Variants in TSNAX observed in about 807,000 individuals in gnomAD.
TSNAX encodes the protein translin-associated protein X.
TSNAX carries 12 observed loss-of-function variants against 33.0 expected under a neutral mutation model. That is an observed-to-expected ratio of 0.36 (90% CI 0.23 to 0.59). TSNAX has a LOEUF of 0.59. Ranked by LOEUF, TSNAX falls within the 20% of genes least tolerant of loss-of-function variation. The probability of loss-of-function intolerance (pLI) is 0.74; values close to 1 mark genes in which losing one functional copy is unlikely to be tolerated. For synonymous variants in TSNAX, 110 were observed against 117.2 expected (o/e 0.94, Z 0.40); for missense variants, 267 against 341.3 (o/e 0.78, Z 1.72).
At chr1:231,545,490 C>G (rs544718794) in intron 4 of TSNAX, among the ~76,000 whole-genome samples, 1 of 151,664 alleles carries the variant, frequency 6.6e-6, no homozygotes, top group East Asian at 1.9e-4. Context: ...GATGGTTAAA[C>G]AAATGAACAA....
At chr1:231,561,379 TAG>T in intron 5 of TSNAX, 124 bp downstream of exon 5, 1 of 815,482 alleles carries the variant, frequency 1.2e-6, no homozygotes, top group Non-Finnish European at 1.9e-6. Context: ...TATGGTTTTG[TAG>T]AGTCTCAACT....
At chr1:231,538,823 T>A (rs932853292) in intron 3 of TSNAX, among the ~76,000 whole-genome samples, 4 of 151,500 alleles carry the variant, frequency 2.6e-5, no homozygotes, top group African/African-American at 9.7e-5. Flanking sequence ...TCCCAGCTGC[T>A]CAGGAGACTG....
At chr1:231,557,738 C>T (rs1660784244) in intron 4 of TSNAX, among the ~76,000 whole-genome samples, 5 of 152,142 alleles carry the variant, frequency 3.3e-5, no homozygotes, top group Non-Finnish European at 7.3e-5. Flanking sequence ...GGTACTGAAT[C>T]TTGATCCTGA....
chr1:231,534,693 A>G (rs1240954721), intron 2 of TSNAX: 1 of 152,180 alleles, frequency 6.6e-6, no homozygotes, highest in Non-Finnish European at 1.5e-5. Flanking sequence ...CTTAGTTCCC[A>G]GGAGATTGCA....
At chr1:231,534,974 G>T (rs1659062631) in intron 2 of TSNAX, 1 of 152,160 alleles carries the variant, frequency 6.6e-6, no homozygotes, top group Non-Finnish European at 1.5e-5. Context: ...AGCAGTCCTT[G>T]AGCAGAATGA....
At position 231,528,769 on chromosome 1, in the gene TSNAX, G is replaced by C. The variant is rs1186982604; in HGVS notation, c.-42G>C. On this transcript the variant is annotated 5_prime_UTR_variant, in exon 1 of 6. Coordinates refer to ENST00000366639, the MANE Select transcript of TSNAX (RefSeq NM_005999.3). ...TACCTCGCGCACTCCTCTTGCTCCA[G>C]GTCCTTCAGTCTCCGCTCGTCTCAC... The C allele has an allele frequency of 6.2e-7, 1 of 1,613,862 alleles. No homozygotes were observed. Among genetic ancestry groups the C allele is most frequent in the African/African-American group, 1.3e-5 (1 of 74,924 alleles).
At chr1:231,538,447 C>G (rs1310128203) in intron 3 of TSNAX, among the ~76,000 whole-genome samples, 1 of 152,186 alleles carries the variant, frequency 6.6e-6, no homozygotes, top group Non-Finnish European at 1.5e-5. Flanking sequence ...AGCTGAGGAT[C>G]TCCATCTTCC....
intron 4 of TSNAX, among the ~76,000 whole-genome samples, chr1:231,559,530 A>G (rs541823026): frequency 1.3e-5 from 2 of 152,088 alleles, no homozygotes; most frequent in Non-Finnish European, 2.9e-5. Context: ...GGGTTTCACC[A>G]TGTTAGCCAG....
intron 4 of TSNAX, chr1:231,554,686 T>C (rs1337508796): frequency 6.6e-6 from 1 of 151,978 alleles, no homozygotes; most frequent in East Asian, 1.9e-4. Flanking sequence ...AAGTATATAG[T>C]GTGTTTGGAA....
At chr1:231,535,534 C>T (rs202164721) in intron 2 of TSNAX, 18 of 152,020 alleles carry the variant, frequency 1.2e-4, no homozygotes, top group Admixed American at 3.3e-4. Flanking sequence ...TTAGGCTTTC[C>T]GTAAAAAGTT....
At chr1:231,537,064 C>G in intron 2 of TSNAX, 149 bp from the exon 3 acceptor site, 1 of 522,230 alleles carries the variant, frequency 1.9e-6, no homozygotes, top group African/African-American at 2.0e-5. Context: ...ATCTCTTGAC[C>G]TCATGATCCA....
chr1:231,529,824 C>T (rs1304864627), intron 2 of TSNAX, among the ~76,000 whole-genome samples: 2 of 152,194 alleles, frequency 1.3e-5, no homozygotes, highest in Non-Finnish European at 2.9e-5. Flanking sequence ...GTCCCCTTTT[C>T]TCAGCATATT....
intron 4 of TSNAX, among the ~76,000 whole-genome samples, chr1:231,556,393 T>C (rs1660696471): frequency 6.6e-6 from 1 of 152,212 alleles, no homozygotes. Context: ...AACTAAACTA[T>C]ATGGCAGCCA....
At chr1:231,545,327 A>G (rs1489352988) in intron 4 of TSNAX, among the ~76,000 whole-genome samples, 1 of 152,188 alleles carries the variant, frequency 6.6e-6, no homozygotes, top group Non-Finnish European at 1.5e-5. Flanking sequence ...GCTTTTCCTC[A>G]TTAAGAATAG....
At position 231,537,268 on chromosome 1, in the gene TSNAX, T is replaced by C. The variant is rs565640164; in HGVS notation, c.177T>C (p.Leu59=). The C allele has an allele frequency of 6.2e-7, 1 of 1,613,844 alleles. No homozygotes were observed. The highest frequency in any genetic ancestry group is 1.1e-5 in the South Asian group (1 of 91,028). Residue 59 remains leucine, a synonymous_variant, in exon 3 of 6, where the codon CTT becomes CTC. Transcript: ENST00000366639. ...RHDKYERLVK[L]SRDITVESKR... ...ACAAATATGAGAGACTTGTGAAACT[T>C]AGTCGGGATATAACTGTTGAAAGTA...
intron 4 of TSNAX, chr1:231,554,551 T>C (rs542826037): frequency 6.6e-6 from 1 of 152,320 alleles, no homozygotes; most frequent in South Asian, 2.1e-4. Flanking sequence ...ACAAGTTTTA[T>C]ATAGTGAGAA....
chr1:231,547,841 C>CT (rs35520639), intron 4 of TSNAX, among the ~76,000 whole-genome samples: 48,564 of 123,878 alleles, frequency 0.39, 10,103 homozygotes, highest in East Asian at 0.53. Flanking sequence ...CCATTGCTTT[C>CT]TTTTTTTTTT....
At chr1:231,540,901 A>G (rs908519051) in intron 3 of TSNAX, among the ~76,000 whole-genome samples, 3 of 152,202 alleles carry the variant, frequency 2.0e-5, no homozygotes, top group African/African-American at 7.2e-5. Context: ...GGCTTTGCCC[A>G]AAGTTTGATG....
chr1:231,553,488 A>G (rs992176543), intron 4 of TSNAX, among the ~76,000 whole-genome samples: 2 of 152,208 alleles, frequency 1.3e-5, no homozygotes, highest in African/African-American at 4.8e-5. Context: ...TTGATGGAAT[A>G]TGGCAGTACG....
Sources: gnomAD v4.1 joint callset for allele counts (sites outside exome capture counted in the v4.1 genomes callset) on GRCh38, gnomAD v4.1.1 for gene constraint, MANE v1.5 for transcripts, NCBI Gene and HGNC (gene_info 2026-07-23, HGNC 2026-07-21) for gene names.